DAB1: variants seen among roughly 807,000 people sequenced by gnomAD.
The protein encoded by DAB1 is disabled homolog 1.
DAB1 carries 15 observed loss-of-function variants against 64.6 expected under a neutral mutation model. That is an observed-to-expected ratio of 0.23 (90% CI 0.16 to 0.36). The LOEUF is 0.36. DAB1 is among the 10% of genes least tolerant of loss of function. The probability of loss-of-function intolerance (pLI) is 1.00; values close to 1 mark genes in which losing one functional copy is unlikely to be tolerated. For missense variants in DAB1, 596 were observed against 706.7 expected (o/e 0.84, Z 1.78); for synonymous variants, 235 against 251.9 (o/e 0.93, Z 0.64).
At chr1:57,366,531 C>A (rs575660220) in intron 1 of DAB1, among the ~76,000 whole-genome samples, 11 of 152,320 alleles carry the variant, frequency 7.2e-5, no homozygotes, top group African/African-American at 2.6e-4. Context: ...AGGATTCCAT[C>A]CCATTTTCTA....
At chr1:58,140,094 A>G (rs1200462233) in intron 5 of DAB1, among the ~76,000 whole-genome samples, 1 of 152,130 alleles carries the variant, frequency 6.6e-6, no homozygotes, top group East Asian at 1.9e-4. Flanking sequence ...TCGCAAATCC[A>G]CAAATTGAGT....
intron 9 of DAB1, among the ~76,000 whole-genome samples, chr1:57,037,844 T>A (rs1647229894): frequency 6.6e-6 from 1 of 152,200 alleles, no homozygotes; most frequent in Admixed American, 6.5e-5. Flanking sequence ...GAAACTCTGA[T>A]TTTAATAAAT....
At chr1:58,477,448 T>G (rs555474894) in intron 3 of DAB1, among the ~76,000 whole-genome samples, 1 of 152,178 alleles carries the variant, frequency 6.6e-6, no homozygotes, top group Non-Finnish European at 1.5e-5. Flanking sequence ...CGTGGTTGCA[T>G]CTCTCCTAAC....
intron 6 of DAB1, among the ~76,000 whole-genome samples, chr1:57,706,935 G>A (rs916280632): frequency 3.2e-4 from 48 of 152,038 alleles, no homozygotes; most frequent in African/African-American, 1.1e-3. Context: ...TTAGCCGGGC[G>A]TGGTGGCAGG....
intron 1 of DAB1, among the ~76,000 whole-genome samples, chr1:57,332,089 G>A (rs1466345833): frequency 6.6e-6 from 1 of 152,122 alleles, no homozygotes; most frequent in Non-Finnish European, 1.5e-5. Flanking sequence ...TCAGCCTCCT[G>A]AGTAGCTGGG....
chr1:58,358,398 G>C (rs1277954493), intron 3 of DAB1, among the ~76,000 whole-genome samples: 1 of 152,124 alleles, frequency 6.6e-6, no homozygotes, highest in Non-Finnish European at 1.5e-5. Flanking sequence ...AGAAAGAAAG[G>C]AAGAAAGAAA....
At chr1:57,740,182 C>G (rs1220786730) in intron 6 of DAB1, among the ~76,000 whole-genome samples, 2 of 152,138 alleles carry the variant, frequency 1.3e-5, no homozygotes, top group Non-Finnish European at 2.9e-5. Flanking sequence ...CCACTGTACT[C>G]CAGCCTGGGT....
At chr1:57,229,196 C>CTTT (rs34245893) in intron 2 of DAB1, among the ~76,000 whole-genome samples, 1 of 140,134 alleles carries the variant, frequency 7.1e-6, no homozygotes, top group Non-Finnish European at 1.6e-5. Flanking sequence ...ACTTCTTCTT[C>CTTT]TTTTTTTTTT....
intron 2 of DAB1, among the ~76,000 whole-genome samples, chr1:57,275,515 G>A (rs1471530444): frequency 2.6e-5 from 4 of 152,112 alleles, no homozygotes; most frequent in Non-Finnish European, 5.9e-5. Context: ...AGAAGGGTTG[G>A]TTATCAGCTA....
intron 6 of DAB1, among the ~76,000 whole-genome samples, chr1:57,741,251 A>G (rs371950086): frequency 1.3e-5 from 2 of 152,206 alleles, no homozygotes; most frequent in East Asian, 3.8e-4. Flanking sequence ...CTATTCCATC[A>G]TTCCACAAAT....
intron 3 of DAB1, among the ~76,000 whole-genome samples, chr1:58,460,864 T>C (rs1299698188): frequency 6.6e-6 from 1 of 152,202 alleles, no homozygotes; most frequent in Admixed American, 6.5e-5. Context: ...CACCTACTGT[T>C]TGTCAGAGAT....
chr1:57,200,514 C>A (rs1452284482), intron 2 of DAB1, among the ~76,000 whole-genome samples: 1 of 152,198 alleles, frequency 6.6e-6, no homozygotes, highest in Non-Finnish European at 1.5e-5. Flanking sequence ...GGGTTCAAAT[C>A]TGAACCTGCT....
At chr1:57,378,071 C>A (rs1338113042) in intron 1 of DAB1, among the ~76,000 whole-genome samples, 1 of 152,148 alleles carries the variant, frequency 6.6e-6, no homozygotes, top group African/African-American at 2.4e-5. Context: ...GCCAAATGAA[C>A]CAGAGGCCAG....
At chr1:57,295,763 G>A (rs1055081083) in intron 1 of DAB1, among the ~76,000 whole-genome samples, 3 of 152,132 alleles carry the variant, frequency 2.0e-5, no homozygotes, top group African/African-American at 4.8e-5. Flanking sequence ...GGCAGAGGGT[G>A]ATACTCCTCA....
chr1:57,523,876 G>C (rs1356072118), intron 7 of DAB1, among the ~76,000 whole-genome samples: 2 of 152,036 alleles, frequency 1.3e-5, no homozygotes, highest in South Asian at 4.2e-4. Context: ...AGTGAGCCAA[G>C]ATCATGCCAC....
At chr1:57,747,454 A>G (rs946406300) in intron 6 of DAB1, among the ~76,000 whole-genome samples, 1 of 152,166 alleles carries the variant, frequency 6.6e-6, no homozygotes, top group Admixed American at 6.5e-5. Flanking sequence ...GAGAGAGGAG[A>G]AAGAAGTGTA....
intron 6 of DAB1, among the ~76,000 whole-genome samples, chr1:57,743,878 T>TA (rs1648128109): frequency 6.6e-6 from 1 of 152,228 alleles, no homozygotes; most frequent in Non-Finnish European, 1.5e-5. Flanking sequence ...TTAAATTAAC[T>TA]AAAAATATCC....
At chr1:57,024,350 G>A (rs1291539178) in intron 10 of DAB1, among the ~76,000 whole-genome samples, 1 of 152,120 alleles carries the variant, frequency 6.6e-6, no homozygotes, top group Non-Finnish European at 1.5e-5. Flanking sequence ...GCAAGATGGG[G>A]GATACAGAAA....
At chr1:58,313,931 A>T (rs1662491269) in intron 4 of DAB1, among the ~76,000 whole-genome samples, 1 of 151,866 alleles carries the variant, frequency 6.6e-6, no homozygotes, top group Admixed American at 6.6e-5. Context: ...CACCTCCAAG[A>T]ATCATCACAT....
Sources: gnomAD v4.1 joint callset for allele counts (sites outside exome capture counted in the v4.1 genomes callset) on GRCh38, gnomAD v4.1.1 for gene constraint, MANE v1.5 for transcripts, NCBI Gene and HGNC (gene_info 2026-07-23, HGNC 2026-07-21) for gene names.